Variants in CARS2 observed in about 807,000 individuals in gnomAD.
The protein encoded by CARS2 is cysteinyl-tRNA synthetase 2, mitochondrial.
A neutral mutation model predicts 68.8 loss-of-function variants in CARS2; 52 were observed. That is an observed-to-expected ratio of 0.76 (90% confidence interval 0.61 to 0.95). The LOEUF is 0.95. Among genes scored for constraint, CARS2 ranks in the 40% least tolerant of loss-of-function variants. CARS2 has a pLI of 0.00. For synonymous variants in CARS2, 314 were observed against 303.6 expected, an observed-to-expected ratio of 1.03 and a Z score of -0.36; for missense variants, 780 against 754.2, an observed-to-expected ratio of 1.03 and a Z score of -0.40.
intron 13 of CARS2, chr13:110,643,512 GC>G (rs1887676239): frequency 1.3e-5 from 2 of 153,470 alleles, no homozygotes. Flanking sequence ...CAGGCCTTCA[GC>G]ACACCTGCTT....
At chr13:110,644,076 C>T (rs1482723404) in intron 13 of CARS2, 3 of 1,296,522 alleles carry the variant, frequency 2.3e-6, no homozygotes, top group African/African-American at 3.0e-5. Flanking sequence ...GTGCCTGTGA[C>T]TTCTGCACAT....
At chr13:110,692,325 G>A (rs2063494797) in intron 3 of CARS2, among the ~76,000 whole-genome samples, 1 of 151,772 alleles carries the variant, frequency 6.6e-6, no homozygotes, top group Non-Finnish European at 1.5e-5. Flanking sequence ...CAGAAAATTA[G>A]ATGGGCGTGG....
intron 9 of CARS2, among the ~76,000 whole-genome samples, chr13:110,660,807 G>C (rs1426837953): frequency 7.0e-6 from 1 of 143,298 alleles, no homozygotes; most frequent in African/African-American, 2.6e-5. Context: ...TGTCGCCCAG[G>C]CTGGAGTGCA....
upstream of CARS2, chr13:110,706,122 G>T (rs1484485402): frequency 7.8e-7 from 1 of 1,287,644 alleles, no homozygotes; most frequent in Non-Finnish European, 9.8e-7. Context: ...CGACTGGGCG[G>T]AGACGGGAGC....
At chr13:110,645,383 AC>A (rs1887967787) in intron 12 of CARS2, 1 of 152,308 alleles carries the variant, frequency 6.6e-6, no homozygotes, top group Non-Finnish European at 1.5e-5. Context: ...AGAGGCACAA[AC>A]AGCCTCGGCT....
At position 110,641,575 on chromosome 13, in the gene CARS2, G is replaced by C; in HGVS notation, c.1657C>G (p.Leu553Val). The C allele has an allele frequency of 6.2e-7, 1 of 1,614,088 alleles. No individual in the cohort carries two copies. Among genetic ancestry groups the C allele is most frequent in the East Asian group, 2.2e-5 (1 of 44,888 alleles). ...TTTTGGTCTTTTGTCCTTTGATCCA[G>C]CAGTTCCCACGTGGATGTTGTACTG... ...RSSTTSTWEL[L>V]DQRTKDQKSA... The change falls in exon 15 of 15, where the codon CTG becomes GTG. Residue 553 changes from leucine (L) to valine (V), a missense_variant. By Grantham distance (32) the Leu-to-Val change is conservative (BLOSUM62 1). Transcript: ENST00000257347.
upstream of CARS2, among the ~76,000 whole-genome samples, chr13:110,708,942 TG>T (rs1172088488): frequency 6.6e-6 from 1 of 151,662 alleles, no homozygotes; most frequent in Non-Finnish European, 1.5e-5. Flanking sequence ...TTAGTAGAGA[TG>T]GGGTTTCATC....
At chr13:110,659,551 G>C (rs1372861251) in intron 9 of CARS2, among the ~76,000 whole-genome samples, 28 of 151,426 alleles carry the variant, frequency 1.8e-4, no homozygotes, top group Admixed American at 1.8e-3. Context: ...CAGACATACT[G>C]AAGGGTTGGT....
chr13:110,693,836 G>A (rs1256540950), intron 3 of CARS2, among the ~76,000 whole-genome samples: 1 of 152,022 alleles, frequency 6.6e-6, no homozygotes, highest in Non-Finnish European at 1.5e-5. Context: ...TCTAACGATC[G>A]TAAATCATTT....
chr13:110,646,776 G>A (rs1253399692), intron 11 of CARS2: 6 of 268,238 alleles, frequency 2.2e-5, no homozygotes, highest in East Asian at 2.1e-4. Flanking sequence ...TCCTGCCAGC[G>A]CCGTCTCCCT....
chr13:110,703,179 T>C (rs2063841066), intron 2 of CARS2, among the ~76,000 whole-genome samples: 1 of 152,222 alleles, frequency 6.6e-6, no homozygotes, highest in Admixed American at 6.5e-5. Flanking sequence ...TTTCAGGGTG[T>C]CTCTTTCCAG....
At position 110,653,290 on chromosome 13, in the gene CARS2, C is replaced by T. The variant is rs1445978355; in HGVS notation, c.988-2190G>A. ...AGTAATCACACTGGAATTCCATTTC[C>T]GTCTGTCCATCTCCCGGGTGCTCCT... On this transcript the variant is annotated intron_variant, in intron 9 of 14. Transcript: ENST00000257347. This position sits in a 1 kb window ranked among gnomAD's most constrained non-coding sequence, Gnocchi z 5.6. Among the ~76,000 whole-genome samples the T allele has an allele frequency of 6.6e-6, 1 of 151,950 alleles. No individual in the cohort carries two copies. Among genetic ancestry groups the T allele is most frequent in the Non-Finnish European group, 1.5e-5 (1 of 67,996 alleles).
Position 110,670,804 on chromosome 13 carries a change from T to G in CARS2, c.786-3331A>C, listed in dbSNP as rs1157367225. Among the ~76,000 whole-genome samples, 5 of 152,126 alleles carry G rather than the reference T, an allele frequency of 3.3e-5. No individual in the cohort carries two copies. Among genetic ancestry groups the G allele is most frequent in the African/African-American group, 9.7e-5 (4 of 41,426 alleles). On this transcript the variant is annotated intron_variant, in intron 7 of 14. Transcript: ENST00000257347. The surrounding 1 kb of genome is among the most constrained non-coding windows in gnomAD (Gnocchi z 4.1). The stretch of plus-strand genomic sequence containing the variant: ...ATGTTTGAACCCATCATAAAGAAGC[T>G]AAAAACCTTCAAAAAAGATTAGACG...
chr13:110,691,001 G>T (rs1277821077), intron 3 of CARS2, among the ~76,000 whole-genome samples: 2 of 152,028 alleles, frequency 1.3e-5, no homozygotes, highest in African/African-American at 4.8e-5. Context: ...TTTCTTATTG[G>T]ATGTTAGGAA....
At chr13:110,711,867 C>T (rs1294217298) in intron 1 of CARS2, among the ~76,000 whole-genome samples, 2 of 152,222 alleles carry the variant, frequency 1.3e-5, no homozygotes, top group Non-Finnish European at 2.9e-5. Context: ...GAATGAGCAC[C>T]ACTGCGGTTA....
chr13:110,642,704 G>C (rs1281543905), intron 13 of CARS2, 183 bp from the exon 14 acceptor site: 1 of 765,494 alleles, frequency 1.3e-6, no homozygotes. Context: ...TGGGCTCTGG[G>C]CAAGGCTCCA....
chr13:110,710,420 C>G (rs1167305443), upstream of CARS2, among the ~76,000 whole-genome samples: 1 of 152,128 alleles, frequency 6.6e-6, no homozygotes, highest in Non-Finnish European at 1.5e-5. Context: ...TCTCTTATAT[C>G]TGACTCTCAT....
chr13:110,642,200 T>C, intron 14 of CARS2, 115 bp downstream of exon 14: 1 of 803,026 alleles, frequency 1.2e-6, no homozygotes, highest in Non-Finnish European at 2.0e-6. Context: ...AGAGTGAAAC[T>C]CCGTCTCAAA....
intron 3 of CARS2, among the ~76,000 whole-genome samples, chr13:110,692,458 C>A (rs2063498583): frequency 6.7e-6 from 1 of 149,080 alleles, no homozygotes; most frequent in Admixed American, 6.7e-5. Flanking sequence ...ACATCAAGAG[C>A]AAAACTCCGT....
Sources: allele counts gnomAD v4.1 joint callset (sites outside exome capture counted in the v4.1 genomes callset), GRCh38; gene constraint gnomAD v4.1.1; non-coding constraint Gnocchi (gnomAD v3.1); transcripts MANE v1.5; gene names NCBI Gene and HGNC (gene_info 2026-07-23, HGNC 2026-07-21).